COX7B2: variants seen among roughly 807,000 people sequenced by gnomAD.
COX7B2 encodes the protein cytochrome c oxidase subunit 7B2, mitochondrial.
For synonymous variants in COX7B2, 37 were observed against 32.1 expected (o/e 1.15, Z -0.51); for missense variants, 109 against 95.9 (o/e 1.14, Z -0.57).
intron 2 of COX7B2, among the ~76,000 whole-genome samples, chr4:46,759,829 A>ATCT (rs578020521): frequency 2.9e-5 from 2 of 69,666 alleles, no homozygotes; most frequent in Admixed American, 1.9e-4. Context: ...TATAAGTCAT[A>ATCT]TCTTATATAA....
chr4:46,746,626 A>T, intron 2 of COX7B2, among the ~76,000 whole-genome samples: 1 of 152,226 alleles, frequency 6.6e-6, no homozygotes, highest in South Asian at 2.1e-4. Flanking sequence ...TTTTGTTTCT[A>T]TATCTAAAGT....
At chr4:46,751,414 C>A (rs569841949) in intron 2 of COX7B2, among the ~76,000 whole-genome samples, 5 of 152,132 alleles carry the variant, frequency 3.3e-5, no homozygotes, top group African/African-American at 1.2e-4. Flanking sequence ...ACATTTAATT[C>A]TCCTTTCACT....
chr4:46,777,333 G>T (rs966376459), intron 2 of COX7B2, among the ~76,000 whole-genome samples: 6 of 152,170 alleles, frequency 3.9e-5, no homozygotes, highest in African/African-American at 1.4e-4. Context: ...TTTTATCAAA[G>T]AGCAGATAAG....
At chr4:46,815,629 T>C (rs4078124) in intron 2 of COX7B2, among the ~76,000 whole-genome samples, 3,478 of 152,228 alleles carry the variant, frequency 0.023, 123 homozygotes, top group African/African-American at 0.079. Flanking sequence ...GATTCAATTT[T>C]GCACAAATGG....
intron 1 of COX7B2, among the ~76,000 whole-genome samples, chr4:46,905,443 A>G (rs1486938474): frequency 1.3e-5 from 2 of 152,148 alleles, no homozygotes; most frequent in East Asian, 1.9e-4. Context: ...GGGACATGAA[A>G]ATATTCTTGG....
intron 2 of COX7B2, among the ~76,000 whole-genome samples, chr4:46,763,867 A>G (rs1459508749): frequency 6.6e-6 from 1 of 152,186 alleles, no homozygotes; most frequent in East Asian, 1.9e-4. Flanking sequence ...TTTAGAAAAA[A>G]TTGATTCCCC....
At chr4:46,787,647 A>G (rs1416979951) in intron 2 of COX7B2, among the ~76,000 whole-genome samples, 1 of 152,158 alleles carries the variant, frequency 6.6e-6, no homozygotes, top group Non-Finnish European at 1.5e-5. Flanking sequence ...GACTCTATTG[A>G]AGAGATAACA....
At chr4:46,882,185 C>T (rs573353575) in intron 1 of COX7B2, among the ~76,000 whole-genome samples, 2 of 152,190 alleles carry the variant, frequency 1.3e-5, no homozygotes, top group African/African-American at 2.4e-5. Context: ...GGTTCTTTTA[C>T]ATTTGCTGAG....
At chr4:46,895,150 G>T (rs1289714826) in intron 1 of COX7B2, among the ~76,000 whole-genome samples, 1 of 152,102 alleles carries the variant, frequency 6.6e-6, no homozygotes, top group East Asian at 1.9e-4. Context: ...TATACCCAAA[G>T]GTTTATAAAT....
At chr4:46,781,989 C>G (rs549061619) in intron 2 of COX7B2, among the ~76,000 whole-genome samples, 3 of 152,158 alleles carry the variant, frequency 2.0e-5, no homozygotes, top group Non-Finnish European at 4.4e-5. Flanking sequence ...TGATGGGCGC[C>G]GCCCCCTGCT....
At chr4:46,800,442 G>A (rs1211464688) in intron 2 of COX7B2, among the ~76,000 whole-genome samples, 2 of 151,270 alleles carry the variant, frequency 1.3e-5, no homozygotes, top group African/African-American at 2.4e-5. Flanking sequence ...AAGATTAGAC[G>A]ACCACACAAA....
chr4:46,861,539 A>G (rs532187465), intron 1 of COX7B2, among the ~76,000 whole-genome samples: 49 of 152,202 alleles, frequency 3.2e-4, no homozygotes, highest in African/African-American at 1.2e-3. Context: ...AAAAAAAGAA[A>G]CTCATTTCTA....
At chr4:46,762,642 G>C (rs1413853102) in intron 2 of COX7B2, among the ~76,000 whole-genome samples, 2 of 149,254 alleles carry the variant, frequency 1.3e-5, no homozygotes, top group Non-Finnish European at 3.0e-5. Context: ...GTGGATATTT[G>C]AGCGTATTGT....
At chr4:46,888,584 C>G (rs1041269127) in intron 1 of COX7B2, among the ~76,000 whole-genome samples, 1 of 151,888 alleles carries the variant, frequency 6.6e-6, no homozygotes. Flanking sequence ...GCTGGGACTA[C>G]AGGCGCCCAC....
chr4:46,835,270 A>G (rs1378771267), intron 2 of COX7B2, among the ~76,000 whole-genome samples: 1 of 152,184 alleles, frequency 6.6e-6, no homozygotes, highest in East Asian at 1.9e-4. Flanking sequence ...GCACACAGAC[A>G]TGAAAGGTAG....
At chr4:46,897,656 C>T (rs556840289) in intron 1 of COX7B2, among the ~76,000 whole-genome samples, 1 of 152,212 alleles carries the variant, frequency 6.6e-6, no homozygotes, top group African/African-American at 2.4e-5. Context: ...CCCTTCCATA[C>T]TTCTATCCCT....
intron 2 of COX7B2, among the ~76,000 whole-genome samples, chr4:46,826,030 G>C (rs1459603341): frequency 6.6e-6 from 1 of 152,094 alleles, no homozygotes; most frequent in Non-Finnish European, 1.5e-5. Context: ...CTAACAAGTG[G>C]GATCTAATTA....
chr4:46,821,973 G>A (rs111527415), intron 2 of COX7B2, among the ~76,000 whole-genome samples: 3 of 152,068 alleles, frequency 2.0e-5, no homozygotes, highest in Admixed American at 6.6e-5. Flanking sequence ...GTGCAGTGGC[G>A]CAATCTCAGC....
At chr4:46,844,528 C>A (rs182806120) in intron 2 of COX7B2, among the ~76,000 whole-genome samples, 3 of 151,918 alleles carry the variant, frequency 2.0e-5, no homozygotes, top group Non-Finnish European at 4.4e-5. Context: ...GCTCTTAACA[C>A]TGAAATGATG....
Sources: gnomAD v4.1 joint callset for allele counts (sites outside exome capture counted in the v4.1 genomes callset) on GRCh38, gnomAD v4.1.1 for gene constraint, MANE v1.5 for transcripts, NCBI Gene and HGNC (gene_info 2026-07-23, HGNC 2026-07-21) for gene names.